The following WDR27 variants were observed in gnomAD, a reference collection of about 807,000 sequenced individuals.
WDR27 encodes WD repeat domain 27, also known as WD repeat-containing protein 27.
A neutral mutation model predicts 114.4 loss-of-function variants in WDR27; 100 were observed. The ratio of observed to expected loss-of-function variants is 0.87; its 90% confidence interval spans 0.74 to 1.03. The LOEUF (loss-of-function observed/expected upper bound fraction) is 1.03. Ranked by LOEUF, WDR27 falls within the 50% of genes least tolerant of loss-of-function variation. WDR27 has a pLI of 0.00. For synonymous variants in WDR27, 449 were observed against 423.1 expected (o/e 1.06, Z -0.75); for missense variants, 1,129 against 1,092.9 (o/e 1.03, Z -0.47).
chr6:169,615,238 G>GT (rs538951139), intron 21 of WDR27, among the ~76,000 whole-genome samples: 20 of 152,214 alleles, frequency 1.3e-4, no homozygotes, highest in African/African-American at 4.8e-4. Context: ...TTTCACTTTT[G>GT]TTTTAGGTTC....
intron 2 of WDR27, among the ~76,000 whole-genome samples, chr6:169,679,386 T>C (rs1383341873): frequency 6.6e-6 from 1 of 152,150 alleles, no homozygotes; most frequent in Non-Finnish European, 1.5e-5. Flanking sequence ...TGATTATATT[T>C]TGCAATGTGA....
At chr6:169,632,511 C>T (rs529646967) in intron 21 of WDR27, among the ~76,000 whole-genome samples, 3 of 152,190 alleles carry the variant, frequency 2.0e-5, no homozygotes, top group Non-Finnish European at 4.4e-5. Flanking sequence ...ACCCTTTAAC[C>T]TACCGCTGTG....
At chr6:169,499,137 C>T (rs1790782134) in intron 25 of WDR27, among the ~76,000 whole-genome samples, 1 of 152,222 alleles carries the variant, frequency 6.6e-6, no homozygotes, top group Non-Finnish European at 1.5e-5. Context: ...TACAGCTCAG[C>T]AGGCTGCACA....
At chr6:169,508,845 G>A (rs967813866) in intron 25 of WDR27, among the ~76,000 whole-genome samples, 1 of 152,172 alleles carries the variant, frequency 6.6e-6, no homozygotes, top group Non-Finnish European at 1.5e-5. Context: ...ATAAATGATG[G>A]ACTTTATTCA....
intron 25 of WDR27, among the ~76,000 whole-genome samples, chr6:169,476,786 A>G (rs1032597053): frequency 6.6e-6 from 1 of 152,336 alleles, no homozygotes. Flanking sequence ...GTAACTAGAT[A>G]CTGCATGCAG....
Position 169,659,055 on chromosome 6 carries a change from C to A in WDR27, c.1319+31G>T, listed in dbSNP as rs772488338. 4 of 1,517,322 alleles carry A rather than the reference C, an allele frequency of 2.6e-6. No homozygotes were observed. The highest frequency in any genetic ancestry group is 1.4e-5 in the African/African-American group (1 of 71,530). The allele number at this position is 1,517,322 out of a possible 1,614,324, so 94.0% of individuals were successfully genotyped here. A position where few individuals can be genotyped will look rare whatever the true frequency, so the allele number is the denominator to read the frequency against. On this transcript the variant is annotated intron_variant, in intron 12 of 25. Transcript: ENST00000448612. This position sits in a 1 kb window ranked among gnomAD's most constrained non-coding sequence, Gnocchi z 4.3. ...CAGATGGCACTTATTGGTGAACACA[C>A]ACACACACTCCACACTTGAAGACAC... is the stretch of plus-strand genomic sequence containing the variant.
rs944335324 is a variant in WDR27 at position 169,701,550 on chromosome 6, C to A, written c.-8+1G>T. 6.3e-6 allele frequency: 1 copy of A among 159,306 alleles called. No individual in the cohort carries two copies. Among genetic ancestry groups the A allele is most frequent in the African/African-American group, 2.4e-5 (1 of 41,474 alleles). The allele number at this position is 159,306 out of a possible 1,614,324, so 9.9% of individuals were successfully genotyped here. ...ACAGCTGCTTTAATTAAAATAACCA[C>A]CTGAGCCCTTTTCCTCCGAACTCCA... On this transcript the variant is annotated splice_donor_variant, in intron 1 of 25. Coordinates refer to ENST00000448612, the MANE Select transcript of WDR27 (RefSeq NM_182552.5). LOFTEE classifies it low-confidence loss of function (5UTR_SPLICE).
At chr6:169,534,458 T>C (rs1020424182) in intron 25 of WDR27, among the ~76,000 whole-genome samples, 3 of 152,202 alleles carry the variant, frequency 2.0e-5, no homozygotes, top group Non-Finnish European at 4.4e-5. Flanking sequence ...GAAGAATTCA[T>C]ATTAATTCCC....
intron 13 of WDR27, chr6:169,658,000 C>A (rs1350646394): frequency 6.4e-6 from 2 of 314,380 alleles, no homozygotes; most frequent in Admixed American, 8.1e-5. Context: ...TCTGCACCCC[C>A]ACTGCAACAG....
intron 25 of WDR27, among the ~76,000 whole-genome samples, chr6:169,514,434 T>C (rs1307503532): frequency 2.0e-5 from 3 of 149,062 alleles, no homozygotes; most frequent in African/African-American, 7.3e-5. Context: ...GGAAATGTAA[T>C]AAACTATTGT....
At chr6:169,502,050 G>C (rs372141183) in intron 25 of WDR27, among the ~76,000 whole-genome samples, 1 of 152,170 alleles carries the variant, frequency 6.6e-6, no homozygotes, top group Non-Finnish European at 1.5e-5. Flanking sequence ...TGCCCTGAAC[G>C]GAGCCGCACG....
intron 25 of WDR27, among the ~76,000 whole-genome samples, chr6:169,560,573 G>A (rs1219392756): frequency 6.6e-6 from 1 of 152,162 alleles, no homozygotes; most frequent in Non-Finnish European, 1.5e-5. Flanking sequence ...CAAGGGCCAG[G>A]GCCTTGTGGC....
intron 23 of WDR27, among the ~76,000 whole-genome samples, chr6:169,583,327 T>G (rs149213346): frequency 0.013 from 1,958 of 149,740 alleles, 50 homozygotes; most frequent in African/African-American, 0.046. Context: ...AAAGATGCTC[T>G]ATTGTCCTCC....
chr6:169,647,531 T>G, intron 16 of WDR27: 1 of 591,798 alleles, frequency 1.7e-6, no homozygotes, highest in Non-Finnish European at 3.0e-6. Flanking sequence ...TCGCTGCTAG[T>G]GAGTGAGTGC....
At chr6:169,565,590 C>T (rs1246941614) in intron 25 of WDR27, among the ~76,000 whole-genome samples, 2 of 151,620 alleles carry the variant, frequency 1.3e-5, no homozygotes, top group African/African-American at 4.8e-5. Context: ...CGAGCATGCA[C>T]ACAAGCCACT....
chr6:169,652,448 C>T (rs1822850451), intron 13 of WDR27, among the ~76,000 whole-genome samples: 1 of 152,208 alleles, frequency 6.6e-6, no homozygotes, highest in Non-Finnish European at 1.5e-5. Context: ...GGGGTTTCAC[C>T]ATGTTGGTCA....
chr6:169,653,225 A>T (rs1823084044), intron 13 of WDR27, among the ~76,000 whole-genome samples: 1 of 152,222 alleles, frequency 6.6e-6, no homozygotes, highest in African/African-American at 2.4e-5. Flanking sequence ...GATTCCAACT[A>T]TTAGCCATTT....
At chr6:169,667,883 A>AGGC in intron 5 of WDR27, 99 bp downstream of exon 5, 3 of 1,156,532 alleles carry the variant, frequency 2.6e-6, no homozygotes, top group Non-Finnish European at 3.6e-6. Flanking sequence ...AACATCACTC[A>AGGC]GGCGGCCGTG....
At chr6:169,650,494 T>A (rs1053969398) in intron 14 of WDR27, among the ~76,000 whole-genome samples, 11 of 140,294 alleles carry the variant, frequency 7.8e-5, no homozygotes, top group African/African-American at 3.0e-4. Context: ...CGTCTCTCCA[T>A]CCCTCCATCC....
Sources: gnomAD v4.1 joint callset for allele counts (sites outside exome capture counted in the v4.1 genomes callset) on GRCh38, gnomAD v4.1.1 for gene constraint, Gnocchi (gnomAD v3.1) non-coding constraint, MANE v1.5 for transcripts, NCBI Gene and HGNC (gene_info 2026-07-23, HGNC 2026-07-21) for gene names.